The following USP31 variants were observed in gnomAD, a reference collection of about 807,000 sequenced individuals.
The protein encoded by USP31 is ubiquitin specific peptidase 31.
USP31 carries 44 observed loss-of-function variants against 119.4 expected under a neutral mutation model. The observed-to-expected ratio is 0.37, with a 90% confidence interval of 0.29 to 0.47. The LOEUF is 0.47. USP31 is among the 20% of genes least tolerant of loss of function. The pLI is 0.99. For missense variants in USP31, 1,643 were observed against 1,730.2 expected (o/e 0.95, Z 0.89); for synonymous variants, 749 against 705.6 (o/e 1.06, Z -0.97).
chr16:23,086,262 T>A (rs1901103236), intron 9 of USP31, among the ~76,000 whole-genome samples: 1 of 152,204 alleles, frequency 6.6e-6, no homozygotes, highest in South Asian at 2.1e-4. Flanking sequence ...CAGTAAGCTT[T>A]CAAGCAGGAC....
intron 1 of USP31, among the ~76,000 whole-genome samples, chr16:23,146,677 G>A (rs757439872): frequency 2.0e-5 from 3 of 152,232 alleles, no homozygotes; most frequent in Middle Eastern, 3.4e-3. Flanking sequence ...AGCATAAGAT[G>A]TAAGTAAAAA....
At chr16:23,079,306 C>T (rs1436714928) in intron 13 of USP31, 1 of 152,154 alleles carries the variant, frequency 6.6e-6, no homozygotes, top group Non-Finnish European at 1.5e-5. Flanking sequence ...CTTTCCACCT[C>T]TAGACTCTAA....
Position 23,087,854 on chromosome 16 carries a change from G to T in USP31, c.1416-19C>A. 1 of 1,593,762 alleles carries T rather than the reference G, an allele frequency of 6.3e-7. No individual in the cohort carries two copies. ...TCCAAATCTAACACACATCAACAATGTAATCACCTTTAAAGTACGGTAATT... is the reference window on the plus strand; with the variant it reads ...TCCAAATCTAACACACATCAACAATTTAATCACCTTTAAAGTACGGTAATT... On this transcript the variant is annotated intron_variant, in intron 7 of 15. Coordinates refer to ENST00000219689, the MANE Select transcript of USP31 (RefSeq NM_020718.4).
In USP31 at chr16:23,143,138, GA is replaced by G. The variant is rs570488909; in HGVS notation, c.633+5499del. 2.0e-5 allele frequency among the ~76,000 whole-genome samples: 3 copies of G among 149,632 alleles called. 1 individual carries two copies. In the South Asian group the frequency reaches 6.3e-4, roughly 32 times the overall value. On this transcript the variant is annotated intron_variant, in intron 1 of 15. Coordinates refer to ENST00000219689, the MANE Select transcript of USP31 (RefSeq NM_020718.4). ...GCACCACAAGGCACCAAAGTTCAAG[GA>G]AAAAAAAATGGGAGAGAGAATTCTA...
intron 10 of USP31, among the ~76,000 whole-genome samples, 179 bp downstream of exon 10, chr16:23,085,406 G>A (rs1330435214): frequency 6.6e-6 from 1 of 152,214 alleles, no homozygotes; most frequent in African/African-American, 2.4e-5. Context: ...GGATTGGGAA[G>A]AGAGAATGTA....
chr16:23,137,467 TCAAA>T (rs1255472111), intron 1 of USP31, among the ~76,000 whole-genome samples: 3 of 152,204 alleles, frequency 2.0e-5, no homozygotes, highest in Non-Finnish European at 2.9e-5. Context: ...AAACAAGAAC[TCAAA>T]CAAGAACATT....
chr16:23,111,426 CA>C (rs1259877886), intron 1 of USP31, among the ~76,000 whole-genome samples: 3 of 152,150 alleles, frequency 2.0e-5, no homozygotes, highest in African/African-American at 7.2e-5. Context: ...TGCATCAAGA[CA>C]GAAAATAAAA....
intron 1 of USP31, among the ~76,000 whole-genome samples, chr16:23,146,566 C>T (rs548042044): frequency 6.6e-6 from 1 of 152,190 alleles, no homozygotes; most frequent in South Asian, 2.1e-4. Flanking sequence ...AGATCACTGA[C>T]ATAGATCTTT....
intron 1 of USP31, among the ~76,000 whole-genome samples, chr16:23,132,701 T>C (rs72774304): frequency 0.012 from 1,800 of 152,254 alleles, 23 homozygotes; most frequent in Non-Finnish European, 0.015. Context: ...TACCTGAAAA[T>C]GGTAACATTC....
Position 23,148,744 on chromosome 16 carries a change from G to T in USP31, c.527C>A (p.Ala176Glu). ...GCCCTGGCCCTGCGCGCCGCGGCCC[G>T]CAGGCTGCTCCGGGTCAGGCGAGGG... is the stretch of plus-strand genomic sequence containing the variant. Reference protein sequence around the residue: ...PEPSPDPEQPAGRGAQGQGEV... With the variant: ...PEPSPDPEQPEGRGAQGQGEV... Residue 176 changes from alanine (A) to glutamate (E), a missense_variant, in exon 1 of 16, where the codon GCG (alanine) becomes GAG (glutamate). This residue lies in a region of USP31 where 302 missense variants were observed against 262.6 expected (regional missense o/e 1.15). Transcript: ENST00000219689. The T allele has an allele frequency of 6.7e-7, 1 of 1,495,522 alleles. No individual in the cohort carries two copies. 92.6% of individuals were successfully genotyped at this position (1,495,522 alleles called of 1,614,324 possible). A position where few individuals can be genotyped will look rare whatever the true frequency, so the allele number is the denominator to read the frequency against.
chr16:23,097,831 T>C (rs1388506983), intron 6 of USP31, among the ~76,000 whole-genome samples: 1 of 152,146 alleles, frequency 6.6e-6, no homozygotes, highest in Non-Finnish European at 1.5e-5. Flanking sequence ...ATCAAAATAA[T>C]AAGAGCTATT....
rs1380256256 is a variant in USP31 at position 23,069,706 on chromosome 16, C to A, written c.2489-90G>T. ...ACACTGAAGGTGAAACGAAGGTAAG[C>A]CTCATGGGATGAAAGGAGCATGACC... On this transcript the variant is annotated intron_variant, in intron 15 of 15. Coordinates refer to ENST00000219689, the MANE Select transcript of USP31 (RefSeq NM_020718.4). The A allele has an allele frequency of 1.4e-5, 21 of 1,474,854 alleles. No homozygotes were observed. In the Middle Eastern group the frequency reaches 1.3e-3, roughly 95 times the overall value. 91.4% of individuals were successfully genotyped at this position (1,474,854 alleles called of 1,614,324 possible).
intron 2 of USP31, among the ~76,000 whole-genome samples, chr16:23,107,477 G>A (rs2141875358): frequency 6.6e-6 from 1 of 152,234 alleles, no homozygotes; most frequent in East Asian, 1.9e-4. Context: ...GTACAGAGAA[G>A]AATTATCAAA....
chr16:23,133,503 G>A (rs1903091509), intron 1 of USP31, among the ~76,000 whole-genome samples: 1 of 152,172 alleles, frequency 6.6e-6, no homozygotes, highest in Admixed American at 6.5e-5. Context: ...CTCTGAGACT[G>A]ATTTTTATAT....
intron 12 of USP31, among the ~76,000 whole-genome samples, chr16:23,081,994 G>A (rs1226209823): frequency 6.6e-6 from 1 of 152,200 alleles, no homozygotes; most frequent in Non-Finnish European, 1.5e-5. Context: ...GGAATAGACA[G>A]CCTTTTTGGA....
At chr16:23,080,387 T>G (rs1254930388) in intron 12 of USP31, among the ~76,000 whole-genome samples, 1 of 152,168 alleles carries the variant, frequency 6.6e-6, no homozygotes, top group Admixed American at 6.5e-5. Flanking sequence ...AGGATCCATA[T>G]AGAGGGGGTA....
intron 1 of USP31, among the ~76,000 whole-genome samples, chr16:23,121,326 C>G (rs1381923359): frequency 6.6e-6 from 1 of 152,168 alleles, no homozygotes; most frequent in Non-Finnish European, 1.5e-5. Flanking sequence ...CAATCACAGC[C>G]TCCGCCCATT....
rs143425117 is a variant in USP31, at chr16:23,131,288, C to A, written c.633+17350G>T. Among the ~76,000 whole-genome samples, 1,398 of 152,210 alleles carry A rather than the reference C, an allele frequency of 9.2e-3. 17 individuals are homozygous for A. Among genetic ancestry groups the A allele is most frequent in the African/African-American group, 0.029 (1,213 of 41,536 alleles). Reference sequence around the variant, plus strand: ...CTGCACTCCAGGCTGGGCGACAGAGCAAGACTGTCTAAAAATAGTAACAAA... The same window carrying A: ...CTGCACTCCAGGCTGGGCGACAGAGAAAGACTGTCTAAAAATAGTAACAAA... On this transcript the variant is annotated intron_variant, in intron 1 of 15. Coordinates refer to ENST00000219689, the MANE Select transcript of USP31 (RefSeq NM_020718.4).
intron 15 of USP31, among the ~76,000 whole-genome samples, chr16:23,070,846 T>TTTA (rs769990095): frequency 6.6e-4 from 100 of 152,316 alleles, no homozygotes; most frequent in Non-Finnish European, 1.2e-3. Flanking sequence ...AAATTCTGTC[T>TTTA]TTATAGAGCC....
Sources: allele counts gnomAD v4.1 joint callset (sites outside exome capture counted in the v4.1 genomes callset), GRCh38; gene constraint gnomAD v4.1.1; regional missense constraint gnomAD v4.1.1; transcripts MANE v1.5; gene names NCBI Gene and HGNC (gene_info 2026-07-23, HGNC 2026-07-21).